The following TYW1B variants were observed in gnomAD, a reference collection of about 807,000 sequenced individuals.
TYW1B encodes tRNA-yW synthesizing protein 1 homolog B.
A neutral mutation model predicts 86.9 loss-of-function variants in TYW1B; 73 were observed. That is an observed-to-expected ratio of 0.84 (90% CI 0.70 to 1.02). The LOEUF is 1.02. Among genes scored for constraint, TYW1B ranks in the 50% least tolerant of loss-of-function variants. The pLI, the probability that TYW1B is intolerant of heterozygous loss-of-function variation, is 0.00. For missense variants in TYW1B, 637 were observed against 827.4 expected (o/e 0.77, Z 2.82); for synonymous variants, 248 against 292.8 (o/e 0.85, Z 1.56).
Position 72,593,550 on chromosome 7 carries a change from T to C in TYW1B, c.1786-17831A>G, listed in dbSNP as rs1323089665. On this transcript the variant is annotated intron_variant, in intron 13 of 13. Transcript: ENST00000620995. ...AAAAATCAATAAACGAGGCCAGGCG[T>C]GGTTGCTCAGGCCTGTAATCCCAGC... Among the ~76,000 whole-genome samples, 17 of 151,812 alleles carry C rather than the reference T, an allele frequency of 1.1e-4. No homozygotes were observed. The South Asian group carries it at 3.3e-3, about 30-fold the overall frequency.
intron 8 of TYW1B, among the ~76,000 whole-genome samples, chr7:72,732,473 C>CT (rs1360621646): frequency 7.2e-5 from 11 of 152,054 alleles, no homozygotes; most frequent in African/African-American, 2.7e-4. Flanking sequence ...ACTTTGGAAC[C>CT]TATACAAAGT....
intron 7 of TYW1B, among the ~76,000 whole-genome samples, chr7:72,758,999 T>C (rs1787642023): frequency 1.3e-5 from 2 of 152,170 alleles, no homozygotes; most frequent in South Asian, 4.1e-4. Flanking sequence ...GAGACCAAAA[T>C]AAATGTTCTG....
intron 12 of TYW1B, among the ~76,000 whole-genome samples, chr7:72,625,008 G>A (rs186618446): frequency 3.3e-5 from 5 of 151,546 alleles, no homozygotes; most frequent in South Asian, 2.1e-4. Context: ...GCAGTGAACC[G>A]AGATTGTGCC....
intron 11 of TYW1B, among the ~76,000 whole-genome samples, chr7:72,688,220 T>C (rs528269455): frequency 6.6e-6 from 1 of 152,344 alleles, no homozygotes; most frequent in South Asian, 2.1e-4. Flanking sequence ...ATTTTCTAAA[T>C]GTAAAGTTTT....
At chr7:72,819,372 T>C (rs1406802002) in intron 2 of TYW1B, among the ~76,000 whole-genome samples, 8 of 152,188 alleles carry the variant, frequency 5.3e-5, no homozygotes, top group Non-Finnish European at 1.2e-4. Context: ...CGAGTGGTAC[T>C]GAATCAGAAA....
intron 2 of TYW1B, among the ~76,000 whole-genome samples, chr7:72,822,295 A>G (rs782738195): frequency 1.4e-4 from 21 of 152,140 alleles, no homozygotes; most frequent in African/African-American, 3.4e-4. Context: ...GGAATCCCAG[A>G]AAAAAAGAAA....
intron 11 of TYW1B, among the ~76,000 whole-genome samples, chr7:72,660,576 C>T (rs1448012611): frequency 6.6e-6 from 1 of 152,172 alleles, no homozygotes; most frequent in Non-Finnish European, 1.5e-5. Context: ...TGTTTGAACA[C>T]CAGTTTCCCG....
At chr7:72,577,461 A>C (rs1254630426) in intron 13 of TYW1B, among the ~76,000 whole-genome samples, 1 of 152,208 alleles carries the variant, frequency 6.6e-6, no homozygotes, top group Non-Finnish European at 1.5e-5. Context: ...CTCTCCCAAG[A>C]CAGACTGTCC....
chr7:72,609,687 A>C (rs1423835804), intron 13 of TYW1B, among the ~76,000 whole-genome samples: 1 of 152,216 alleles, frequency 6.6e-6, no homozygotes, highest in Non-Finnish European at 1.5e-5. Context: ...AGCTTGAAGA[A>C]AGGGCCAATG....
intron 7 of TYW1B, among the ~76,000 whole-genome samples, chr7:72,763,430 C>T (rs1159564457): frequency 6.6e-6 from 1 of 151,344 alleles, no homozygotes; most frequent in Non-Finnish European, 1.5e-5. Context: ...TTACAGGCGC[C>T]CACCACCACA....
chr7:72,735,565 G>C (rs139940584), intron 8 of TYW1B, among the ~76,000 whole-genome samples: 1,933 of 85,916 alleles, frequency 0.022, 53 homozygotes, highest in African/African-American at 0.073. Context: ...GCAAGACTCT[G>C]CCTTAAAAAA....
At chr7:72,577,109 G>A (rs1361338269) in intron 13 of TYW1B, among the ~76,000 whole-genome samples, 1 of 151,478 alleles carries the variant, frequency 6.6e-6, no homozygotes, top group Admixed American at 6.6e-5. Flanking sequence ...CCTCAGTGAT[G>A]AGAGTGAAAC....
chr7:72,655,205 G>C (rs1316863604), intron 11 of TYW1B, among the ~76,000 whole-genome samples: 2 of 152,118 alleles, frequency 1.3e-5, no homozygotes, highest in Admixed American at 1.3e-4. Flanking sequence ...GACACAGAAG[G>C]AGAGGGGAAA....
At chr7:72,708,114 T>C (rs1462496920) in intron 10 of TYW1B, among the ~76,000 whole-genome samples, 5 of 152,158 alleles carry the variant, frequency 3.3e-5, no homozygotes, top group African/African-American at 1.2e-4. Context: ...GTTAGTTCCT[T>C]ATGGCAATGC....
At chr7:72,765,293 T>C (rs533059138) in intron 7 of TYW1B, among the ~76,000 whole-genome samples, 1 of 152,212 alleles carries the variant, frequency 6.6e-6, no homozygotes, top group Non-Finnish European at 1.5e-5. Flanking sequence ...GAAAAAGTTA[T>C]GTCTCTATAG....
intron 13 of TYW1B, among the ~76,000 whole-genome samples, chr7:72,608,448 C>G (rs1352118972): frequency 6.6e-6 from 1 of 152,188 alleles, no homozygotes; most frequent in South Asian, 2.1e-4. Flanking sequence ...TTCACTCAAA[C>G]TGCTAACATG....
chr7:72,608,514 C>A (rs1417354130), intron 13 of TYW1B, among the ~76,000 whole-genome samples: 1 of 152,062 alleles, frequency 6.6e-6, no homozygotes, highest in Non-Finnish European at 1.5e-5. Flanking sequence ...TGTAAATCAA[C>A]CACTAAAAAG....
intron 11 of TYW1B, among the ~76,000 whole-genome samples, chr7:72,688,183 A>C (rs1249378434): frequency 1.3e-5 from 2 of 152,232 alleles, no homozygotes; most frequent in Non-Finnish European, 2.9e-5. Flanking sequence ...AATTCTGGTA[A>C]AGTATGAGTC....
chr7:72,780,707 A>C (rs1186619449), intron 6 of TYW1B, among the ~76,000 whole-genome samples: 1 of 152,158 alleles, frequency 6.6e-6, no homozygotes, highest in Non-Finnish European at 1.5e-5. Context: ...GCTATGATTA[A>C]AGGTCTTGAG....
Sources: allele counts gnomAD v4.1 joint callset (sites outside exome capture counted in the v4.1 genomes callset), GRCh38; gene constraint gnomAD v4.1.1; transcripts MANE v1.5; gene names NCBI Gene and HGNC (gene_info 2026-07-23, HGNC 2026-07-21).